The following ESR1 variants were observed in gnomAD, a reference collection of about 807,000 sequenced individuals.
ESR1 encodes the protein estrogen receptor.
In ESR1, 12 loss-of-function variants were observed where a neutral mutation model predicts 52.7. The observed-to-expected ratio is 0.23, with a 90% CI of 0.15 to 0.37. The LOEUF is 0.37. ESR1 is among the 10% of genes least tolerant of loss of function. The pLI is 1.00. For missense variants in ESR1, 584 were observed against 779.7 expected (o/e 0.75, Z 2.99); for synonymous variants, 305 against 316.8 (o/e 0.96, Z 0.39).
At chr6:151,853,384 T>C (rs1003425877) in intron 2 of ESR1, among the ~76,000 whole-genome samples, 4 of 152,028 alleles carry the variant, frequency 2.6e-5, no homozygotes, top group African/African-American at 7.3e-5. Context: ...GTTAAGTGCT[T>C]GTTAGTGGTT....
chr6:152,042,781 G>A (rs1255312630), intron 5 of ESR1, among the ~76,000 whole-genome samples: 1 of 143,454 alleles, frequency 7.0e-6, no homozygotes, highest in Non-Finnish European at 1.5e-5. Flanking sequence ...TAGGAACACT[G>A]AGATTAAGTA....
At chr6:151,692,579 C>T (rs1562333396) in intron 1 of ESR1, among the ~76,000 whole-genome samples, 1 of 152,212 alleles carries the variant, frequency 6.6e-6, no homozygotes. Flanking sequence ...TGTCCATCCA[C>T]CTCTATCAGG....
intron 1 of ESR1, among the ~76,000 whole-genome samples, chr6:151,683,503 A>T (rs1238149316): frequency 6.6e-6 from 1 of 151,924 alleles, no homozygotes; most frequent in African/African-American, 2.4e-5. Flanking sequence ...CCCTGTGTGA[A>T]CTACCACCTT....
chr6:152,032,869 C>G (rs1011126804), intron 5 of ESR1, among the ~76,000 whole-genome samples: 1 of 152,212 alleles, frequency 6.6e-6, no homozygotes, highest in Non-Finnish European at 1.5e-5. Context: ...CTGGAGGCAT[C>G]ATGCTACCTG....
At chr6:152,003,238 A>C (rs1017980730) in intron 4 of ESR1, among the ~76,000 whole-genome samples, 3 of 151,780 alleles carry the variant, frequency 2.0e-5, no homozygotes, top group Non-Finnish European at 4.4e-5. Context: ...TTCTTTCTGG[A>C]GTCAGATAGA....
intron 2 of ESR1, among the ~76,000 whole-genome samples, chr6:151,743,016 A>G (rs1292880601): frequency 6.6e-6 from 1 of 152,176 alleles, no homozygotes; most frequent in Non-Finnish European, 1.5e-5. Context: ...AAAATTGCAG[A>G]TTTGCTAGCC....
chr6:152,036,545 G>A (rs1025083378), intron 5 of ESR1, among the ~76,000 whole-genome samples: 5 of 152,074 alleles, frequency 3.3e-5, no homozygotes, highest in Non-Finnish European at 7.4e-5. Flanking sequence ...ACTCATAATG[G>A]CATTCCCTTT....
intron 1 of ESR1, among the ~76,000 whole-genome samples, chr6:151,828,788 C>A (rs1476633731): frequency 6.6e-6 from 1 of 152,214 alleles, no homozygotes; most frequent in East Asian, 1.9e-4. Flanking sequence ...CAACTCTATA[C>A]ATTTCCCAGC....
intron 1 of ESR1, among the ~76,000 whole-genome samples, chr6:151,808,938 C>T (rs1331062891): frequency 1.3e-5 from 2 of 152,168 alleles, no homozygotes; most frequent in Non-Finnish European, 2.9e-5. Flanking sequence ...TCCCCTCCTC[C>T]CCACCCCACG....
intron 2 of ESR1, among the ~76,000 whole-genome samples, chr6:151,763,070 TTAA>T (rs1286441010): frequency 6.6e-6 from 1 of 151,874 alleles, no homozygotes; most frequent in South Asian, 2.1e-4. Context: ...ATATATAAAA[TTAA>T]TATGTTAAAA....
intron 1 of ESR1, among the ~76,000 whole-genome samples, chr6:151,683,204 G>A (rs533018016): frequency 2.0e-5 from 3 of 152,010 alleles, no homozygotes; most frequent in African/African-American, 4.8e-5. Flanking sequence ...ATACTTTGAC[G>A]GTATTGGGAC....
At chr6:152,006,018 A>G (rs1306596936) in intron 4 of ESR1, among the ~76,000 whole-genome samples, 2 of 152,072 alleles carry the variant, frequency 1.3e-5, no homozygotes, top group South Asian at 2.1e-4. Flanking sequence ...GATGGGGGTC[A>G]GGGTGAGAGC....
intron 6 of ESR1, among the ~76,000 whole-genome samples, chr6:152,109,356 C>T (rs1024426854): frequency 6.6e-5 from 10 of 152,038 alleles, no homozygotes; most frequent in African/African-American, 1.9e-4. Flanking sequence ...AGTTCACATT[C>T]GTGGTGGCTT....
intron 3 of ESR1, among the ~76,000 whole-genome samples, chr6:151,923,600 G>T (rs928560137): frequency 6.6e-6 from 1 of 152,060 alleles, no homozygotes; most frequent in African/African-American, 2.4e-5. Context: ...TTTCAGACTG[G>T]CTACTTTCAC....
chr6:151,974,855 G>A (rs747537568), intron 4 of ESR1, among the ~76,000 whole-genome samples: 5 of 152,106 alleles, frequency 3.3e-5, no homozygotes, highest in East Asian at 1.9e-4. Flanking sequence ...TCTCTGACTC[G>A]CTCTGTCTCT....
At chr6:152,018,400 G>A (rs1221778002) in intron 5 of ESR1, among the ~76,000 whole-genome samples, 1 of 149,098 alleles carries the variant, frequency 6.7e-6, no homozygotes, top group Non-Finnish European at 1.5e-5. Flanking sequence ...TAAATTCTTT[G>A]CAGATTTTTT....
chr6:151,944,136 A>G (rs1215245222), intron 3 of ESR1, 37 bp from the exon 4 acceptor site: 3 of 1,559,792 alleles, frequency 1.9e-6, no homozygotes, highest in East Asian at 2.2e-5. Flanking sequence ...ACACGGGAAA[A>G]AAATAAACTA....
At chr6:151,688,089 A>G (rs530661330), upstream of ESR1, among the ~76,000 whole-genome samples, 2 of 152,302 alleles carry the variant, frequency 1.3e-5, no homozygotes, top group East Asian at 3.9e-4. Flanking sequence ...AAGGATATAT[A>G]TATATTTTCC....
chr6:151,805,698 C>G (rs1174304783), upstream of ESR1: 1 of 152,516 alleles, frequency 6.6e-6, no homozygotes, highest in Admixed American at 6.5e-5. Context: ...CTCTCTCTGC[C>G]TAGTTCACAC....
Sources: gnomAD v4.1 joint callset for allele counts (sites outside exome capture counted in the v4.1 genomes callset) on GRCh38, gnomAD v4.1.1 for gene constraint, MANE v1.5 for transcripts, NCBI Gene and HGNC (gene_info 2026-07-23, HGNC 2026-07-21) for gene names.